The following PIP5K1C variants were observed in gnomAD, a reference collection of about 807,000 sequenced individuals.
The protein encoded by PIP5K1C is phosphatidylinositol 4-phosphate 5-kinase type-1 gamma.
PIP5K1C carries 45 observed loss-of-function variants against 80.1 expected under a neutral mutation model. That is an observed-to-expected ratio of 0.56 (90% CI 0.44 to 0.72). The LOEUF (loss-of-function observed/expected upper bound fraction) is 0.72. PIP5K1C is among the 30% of genes least tolerant of loss of function. The probability of loss-of-function intolerance (pLI) is 0.00; values close to 1 mark genes in which losing one functional copy is unlikely to be tolerated. For synonymous variants in PIP5K1C, 498 were observed against 420.1 expected, an observed-to-expected ratio of 1.19 and a Z score of -2.27; for missense variants, 753 against 954.6, an observed-to-expected ratio of 0.79 and a Z score of 2.78.
At chr19:3,687,559 GCA>G (rs540278272) in intron 1 of PIP5K1C, among the ~76,000 whole-genome samples, 72 of 144,486 alleles carry the variant, frequency 5.0e-4, no homozygotes, top group African/African-American at 1.8e-3. Context: ...ACATGCACAC[GCA>G]CACACATGCA....
chr19:3,653,269 C>T (rs1202811932), intron 7 of PIP5K1C, 21 bp downstream of exon 7: 4 of 1,599,874 alleles, frequency 2.5e-6, no homozygotes, highest in African/African-American at 2.7e-5. Flanking sequence ...CCTCCCTCCC[C>T]GGCCGGGGCC....
chr19:3,651,195 A>C (rs2034435646), intron 8 of PIP5K1C, among the ~76,000 whole-genome samples: 1 of 151,908 alleles, frequency 6.6e-6, no homozygotes, highest in African/African-American at 2.4e-5. Context: ...TTGGGACTAC[A>C]GGTGCACGTG....
chr19:3,647,939 T>G (rs941262207), intron 9 of PIP5K1C, among the ~76,000 whole-genome samples: 2 of 152,328 alleles, frequency 1.3e-5, no homozygotes, highest in Admixed American at 6.5e-5. Flanking sequence ...AGAGCGAGAC[T>G]TTGTCTTAAA....
chr19:3,698,208 G>A (rs969507357), intron 1 of PIP5K1C, among the ~76,000 whole-genome samples: 10 of 152,214 alleles, frequency 6.6e-5, no homozygotes, highest in Non-Finnish European at 1.3e-4. Flanking sequence ...TGGAGAGGCC[G>A]GAAAGGGGTG....
Position 3,696,482 on chromosome 19 carries a change from G to C in PIP5K1C, c.94+3815C>G, listed in dbSNP as rs1256581703. Among the ~76,000 whole-genome samples the C allele has an allele frequency of 6.6e-6, 1 of 151,724 alleles. No individual in the cohort carries two copies. The highest frequency in any genetic ancestry group is 2.4e-5 in the African/African-American group (1 of 41,280). ...AGAGGAACCGGGAGGGCAGGGGACGGAGAAGGGGAGACCGCTGTGTGGTGA... is the reference window on the plus strand; with the variant it reads ...AGAGGAACCGGGAGGGCAGGGGACGCAGAAGGGGAGACCGCTGTGTGGTGA... On this transcript the variant is annotated intron_variant, in intron 1 of 17. Coordinates refer to ENST00000335312, the MANE Select transcript of PIP5K1C (RefSeq NM_012398.3). This position sits in a 1 kb window ranked among gnomAD's most constrained non-coding sequence, Gnocchi z 4.1.
intron 3 of PIP5K1C, among the ~76,000 whole-genome samples, chr19:3,664,328 T>G (rs962799445): frequency 6.6e-6 from 1 of 152,154 alleles, no homozygotes; most frequent in Non-Finnish European, 1.5e-5. Flanking sequence ...AGTCATTTAC[T>G]GCACACTTTA....
At chr19:3,695,326 G>A (rs2036069123) in intron 1 of PIP5K1C, among the ~76,000 whole-genome samples, 1 of 152,206 alleles carries the variant, frequency 6.6e-6, no homozygotes, top group South Asian at 2.1e-4. Context: ...CCCGGAAGCA[G>A]CACACGAAGG....
chr19:3,648,538 ACCTGTGGGGCTGCAGACCCGGGCG>A lies in PIP5K1C; in HGVS notation c.1211+63_1211+86del. On this transcript the variant is annotated intron_variant, in intron 9 of 17. Transcript: ENST00000335312. This position sits in a 1 kb window ranked among gnomAD's most constrained non-coding sequence, Gnocchi z 4.3. ...TGTGGGGCTGCAGACCCGGGCGCCC[ACCTGTGGGGCTGCAGACCCGGGCG>A]CCCACCTGTGGGACTGCAGACCCGG... 1.9e-6 allele frequency: 2 copies of A among 1,043,070 alleles called. No individual in the cohort carries two copies. The highest frequency in any genetic ancestry group is 3.0e-6 in the Non-Finnish European group (2 of 669,896). The allele number at this position is 1,043,070 out of a possible 1,614,324, so 64.6% of individuals were successfully genotyped here.
In PIP5K1C at chr19:3,644,117, C is replaced by G. The variant is rs766658886; in HGVS notation, c.1480G>C (p.Ala494Pro). The G allele has an allele frequency of 6.2e-7, 1 of 1,611,002 alleles. No individual in the cohort carries two copies. The highest frequency in any genetic ancestry group is 1.3e-5 in the African/African-American group (1 of 74,894). ...REEAQYDLRGARSYPTLEDEG... is the reference protein window; with the variant it reads ...REEAQYDLRGPRSYPTLEDEG... Reference sequence around the variant, plus strand: ...TCCTCCAGCGTGGGGTAGCTGCGGGCCCCCCGCAGGTCGTACTGGGCCTCC... The same window carrying G: ...TCCTCCAGCGTGGGGTAGCTGCGGGGCCCCCGCAGGTCGTACTGGGCCTCC... The change falls in exon 12 of 18, where the codon GCC becomes CCC. Residue 494 changes from alanine to proline, a missense_variant. Physicochemically the swap from Ala to Pro is conservative, Grantham distance 27. Coordinates refer to ENST00000335312, the MANE Select transcript of PIP5K1C (RefSeq NM_012398.3).
At chr19:3,639,165 C>T in intron 15 of PIP5K1C, 149 bp from the exon 16 acceptor site, 1 of 928,742 alleles carries the variant, frequency 1.1e-6, no homozygotes, top group Non-Finnish European at 1.7e-6. Context: ...CGCTCCTGCG[C>T]TGCCATTTAT....
intron 16 of PIP5K1C, chr19:3,636,643 G>A (rs1387813093): frequency 5.1e-6 from 5 of 985,556 alleles, no homozygotes; most frequent in East Asian, 1.1e-4. Context: ...CGCTGGCTCC[G>A]TGGGACGGAG....
At chr19:3,673,493 T>C (rs1241159385) in intron 1 of PIP5K1C, among the ~76,000 whole-genome samples, 1 of 152,092 alleles carries the variant, frequency 6.6e-6, no homozygotes, top group Non-Finnish European at 1.5e-5. Context: ...GGGGCGGCAG[T>C]GGGACCCAGG....
intron 4 of PIP5K1C, 150 bp from the exon 5 acceptor site, chr19:3,661,233 A>G: frequency 1.7e-6 from 1 of 600,530 alleles, no homozygotes; most frequent in Non-Finnish European, 3.0e-6. Context: ...CACAAGCAAC[A>G]GGGGGCTCCC....
At chr19:3,653,715 G>A (rs1319793264) in intron 6 of PIP5K1C, 126 bp from the exon 7 acceptor site, 3 of 881,016 alleles carry the variant, frequency 3.4e-6, no homozygotes, top group African/African-American at 3.4e-5. Context: ...CTCCCCAGAA[G>A]CCCTCGGGGA....
chr19:3,635,660 G>C lies in PIP5K1C; in HGVS notation c.1921-2140C>G, dbSNP rs533045792. Among the ~76,000 whole-genome samples the C allele has an allele frequency of 1.5e-3, 228 of 151,726 alleles. 1 individual carries two copies. Among genetic ancestry groups the C allele is most frequent in the African/African-American group, 5.3e-3 (218 of 41,318 alleles). ...ATTGAGCCACTGCATTCCAGCCTGG[G>C]TGACAGAGTGAGACTCCATCTCAAA... is the stretch of plus-strand genomic sequence containing the variant. On this transcript the variant is annotated intron_variant, in intron 16 of 17. Transcript: ENST00000335312.
rs1055549931 is a variant in PIP5K1C, at chr19:3,696,489, G to C, written c.94+3808C>G. On this transcript the variant is annotated intron_variant, in intron 1 of 17. Coordinates refer to ENST00000335312, the MANE Select transcript of PIP5K1C (RefSeq NM_012398.3). The surrounding 1 kb of genome is among the most constrained non-coding windows in gnomAD (Gnocchi z 4.1). ...CCGGGAGGGCAGGGGACGGAGAAGG[G>C]GAGACCGCTGTGTGGTGACAGCAGG... 3.3e-5 allele frequency among the ~76,000 whole-genome samples: 5 copies of C among 151,848 alleles called. No individual in the cohort carries two copies. Among genetic ancestry groups the C allele is most frequent in the Admixed American group, 3.3e-4 (5 of 15,256 alleles).
At chr19:3,642,870 T>C (rs375695911) in intron 14 of PIP5K1C, 37 bp downstream of exon 14, 3 of 1,581,818 alleles carry the variant, frequency 1.9e-6, no homozygotes, top group Admixed American at 1.7e-5. Context: ...CAGGAGGAGC[T>C]GGTGAGACCC....
chr19:3,694,981 C>T (rs910692558), intron 1 of PIP5K1C, among the ~76,000 whole-genome samples: 22 of 152,376 alleles, frequency 1.4e-4, no homozygotes, highest in African/African-American at 4.8e-4. Context: ...CCAGCTCTGC[C>T]GCTGCAGCGT....
At chr19:3,652,156 C>A in intron 7 of PIP5K1C, 125 bp from the exon 8 acceptor site, 1 of 778,064 alleles carries the variant, frequency 1.3e-6, no homozygotes, top group East Asian at 2.8e-5. Context: ...GATGGAGTCC[C>A]ACGGCCAGGC....
Sources: allele counts gnomAD v4.1 joint callset (sites outside exome capture counted in the v4.1 genomes callset), GRCh38; gene constraint gnomAD v4.1.1; non-coding constraint Gnocchi (gnomAD v3.1); transcripts MANE v1.5; gene names NCBI Gene and HGNC (gene_info 2026-07-23, HGNC 2026-07-21).